The following SLA variants were observed in gnomAD, a reference collection of about 807,000 sequenced individuals.
SLA encodes the protein Src like adaptor.
SLA carries 16 observed loss-of-function variants against 30.3 expected under a neutral mutation model. The observed-to-expected ratio is 0.53, with a 90% CI of 0.36 to 0.80. The LOEUF is 0.80. Among genes scored for constraint, SLA ranks in the 30% least tolerant of loss-of-function variants. The pLI, the probability that SLA is intolerant of heterozygous loss-of-function variation, is 0.01. For synonymous variants in SLA, 143 were observed against 137.8 expected, an observed-to-expected ratio of 1.04 and a Z score of -0.26; for missense variants, 310 against 345.2, an observed-to-expected ratio of 0.90 and a Z score of 0.81.
intron 3 of SLA, among the ~76,000 whole-genome samples, chr8:133,057,779 AAAAAAAAAC>A (rs1841720622): frequency 6.6e-6 from 1 of 151,966 alleles, no homozygotes; most frequent in South Asian, 2.1e-4. Flanking sequence ...AAAAACAAAA[AAAAAAAAAC>A]AAAAAAACAG....
intron 2 of SLA, among the ~76,000 whole-genome samples, chr8:133,062,780 A>G (rs1293590933): frequency 6.6e-6 from 1 of 152,098 alleles, no homozygotes; most frequent in East Asian, 1.9e-4. Flanking sequence ...CTTGGGAAGC[A>G]TGCGTATGAC....
chr8:133,047,927 C>T lies in SLA; in HGVS notation c.255G>A (p.Leu85=), dbSNP rs558354498. 88 of 1,605,586 alleles carry T rather than the reference C, an allele frequency of 5.5e-5. 1 individual carries two copies. In the South Asian group the frequency reaches 9.7e-4, roughly 18 times the overall value. Reference sequence around the variant, plus strand: ...CCTTGTCTCTGCCCAGGCCCTCAAACAGCCAGCTGGGAAGGAGGAAGACAG... The same window carrying T: ...CCTTGTCTCTGCCCAGGCCCTCAAATAGCCAGCTGGGAAGGAGGAAGACAG... ...ICVARVYHGW[L]FEGLGRDKAE... Residue 85 remains leucine (L), a synonymous_variant, in exon 6 of 9, where the codon CTG becomes CTA. Coordinates refer to ENST00000338087, the MANE Select transcript of SLA (RefSeq NM_001045556.3).
intron 4 of SLA, chr8:133,050,341 T>G: frequency 3.2e-6 from 1 of 308,978 alleles, no homozygotes; most frequent in Non-Finnish European, 6.1e-6. Context: ...GTTTCATATA[T>G]CTGAATCAGT....
At chr8:133,093,859 A>G (rs1230890419) in intron 1 of SLA, among the ~76,000 whole-genome samples, 1 of 152,224 alleles carries the variant, frequency 6.6e-6, no homozygotes, top group Non-Finnish European at 1.5e-5. Flanking sequence ...GGACAGTAAG[A>G]GCAACCGACT....
intron 1 of SLA, among the ~76,000 whole-genome samples, chr8:133,092,993 G>A (rs1847803437): frequency 6.6e-6 from 1 of 152,196 alleles, no homozygotes; most frequent in Non-Finnish European, 1.5e-5. Context: ...AGGAAATATT[G>A]AAACCGTCAG....
At chr8:133,096,293 A>G (rs1848400936) in intron 1 of SLA, 1 of 1,614,038 alleles carries the variant, frequency 6.2e-7, no homozygotes, top group Non-Finnish European at 8.5e-7. Flanking sequence ...AGCACTGAAG[A>G]GGTCTTTATG....
At chr8:133,066,429 T>C (rs1034030392) in intron 2 of SLA, among the ~76,000 whole-genome samples, 3 of 151,696 alleles carry the variant, frequency 2.0e-5, no homozygotes, top group Middle Eastern at 3.4e-3. Flanking sequence ...TTCATAAAAA[T>C]GTGCCACTCA....
intron 1 of SLA, among the ~76,000 whole-genome samples, chr8:133,097,618 T>C (rs918744000): frequency 2.0e-5 from 3 of 152,214 alleles, no homozygotes; most frequent in Admixed American, 6.5e-5. Context: ...CCTGTATATA[T>C]CTTTATATTT....
chr8:133,094,887 A>C, intron 1 of SLA: 2 of 959,448 alleles, frequency 2.1e-6, no homozygotes, highest in Non-Finnish European at 3.3e-6. Flanking sequence ...CTGTTGACCA[A>C]TCCTTATCTT....
At chr8:133,074,590 T>G (rs1049504952) in intron 2 of SLA, among the ~76,000 whole-genome samples, 14 of 152,196 alleles carry the variant, frequency 9.2e-5, no homozygotes, top group Admixed American at 4.6e-4. Flanking sequence ...AGTACAAGCC[T>G]TTTTGGCGAG....
chr8:133,042,066 T>C (rs533280953), intron 7 of SLA, among the ~76,000 whole-genome samples: 53 of 152,120 alleles, frequency 3.5e-4, no homozygotes, highest in African/African-American at 1.3e-3. Context: ...GGATTACAGG[T>C]GTGAGCCACC....
intron 1 of SLA, among the ~76,000 whole-genome samples, chr8:133,091,362 G>A (rs527630507): frequency 1.3e-5 from 2 of 152,196 alleles, no homozygotes; most frequent in African/African-American, 4.8e-5. Flanking sequence ...GAAGTGCAAG[G>A]CGTGCCAGGA....
intron 3 of SLA, among the ~76,000 whole-genome samples, chr8:133,056,722 T>C (rs1841501125): frequency 6.6e-6 from 1 of 152,216 alleles, no homozygotes; most frequent in South Asian, 2.1e-4. Context: ...GGGCACTGTG[T>C]CTGGAGGCTG....
At chr8:133,079,858 G>T (rs780657957) in intron 1 of SLA, among the ~76,000 whole-genome samples, 3 of 151,984 alleles carry the variant, frequency 2.0e-5, no homozygotes, top group Non-Finnish European at 4.4e-5. Context: ...TAAAACTGTT[G>T]ATGGGATTCC....
intron 1 of SLA, among the ~76,000 whole-genome samples, chr8:133,081,940 A>G (rs114791768): frequency 0.018 from 2,686 of 152,316 alleles, 79 homozygotes; most frequent in African/African-American, 0.061. Context: ...GCAGAGGAGG[A>G]AACAGGCATC....
chr8:133,081,149 C>T (rs1039962354), intron 1 of SLA, among the ~76,000 whole-genome samples: 3 of 152,346 alleles, frequency 2.0e-5, no homozygotes, highest in South Asian at 2.1e-4. Flanking sequence ...TAGCGCAAGG[C>T]GCATAGGACG....
intron 1 of SLA, chr8:133,094,997 C>T (rs2131634935): frequency 6.2e-7 from 1 of 1,611,574 alleles, no homozygotes; most frequent in Non-Finnish European, 8.5e-7. Flanking sequence ...TGAGCAGGGG[C>T]TGAAGATGAT....
chr8:133,085,189 T>TA (rs1175897281), intron 1 of SLA, among the ~76,000 whole-genome samples: 1 of 152,230 alleles, frequency 6.6e-6, no homozygotes, highest in Admixed American at 6.5e-5. Flanking sequence ...AATCTCTCTC[T>TA]AGGACAGGTT....
intron 1 of SLA, among the ~76,000 whole-genome samples, chr8:133,080,604 C>T (rs998303564): frequency 2.0e-5 from 3 of 152,212 alleles, no homozygotes; most frequent in Admixed American, 1.3e-4. Flanking sequence ...TCATCCCTTT[C>T]CCACAGGAAC....
Sources: allele counts gnomAD v4.1 joint callset (sites outside exome capture counted in the v4.1 genomes callset), GRCh38; gene constraint gnomAD v4.1.1; transcripts MANE v1.5; gene names NCBI Gene and HGNC (gene_info 2026-07-23, HGNC 2026-07-21).